Variants in POLDIP3 observed in about 807,000 individuals in gnomAD.
The protein encoded by POLDIP3 is polymerase delta-interacting protein 3.
POLDIP3 carries 14 observed loss-of-function variants against 45.1 expected under a neutral mutation model. The ratio of observed to expected loss-of-function variants is 0.31; its 90% CI spans 0.20 to 0.49. The LOEUF is 0.49. Ranked by LOEUF, POLDIP3 falls within the 20% of genes least tolerant of loss-of-function variation. The probability of loss-of-function intolerance (pLI) is 0.99; values close to 1 mark genes in which losing one functional copy is unlikely to be tolerated. For synonymous variants in POLDIP3, 223 were observed against 205.2 expected, an observed-to-expected ratio of 1.09 and a Z score of -0.74; for missense variants, 511 against 538.8, an observed-to-expected ratio of 0.95 and a Z score of 0.51.
intron 5 of POLDIP3, 28 bp downstream of exon 5, chr22:42,596,158 A>G (rs1329010544): frequency 1.9e-6 from 3 of 1,610,622 alleles, no homozygotes; most frequent in African/African-American, 1.3e-5. Context: ...CCTGACCCCA[A>G]CTGCTGCAGT....
intron 1 of POLDIP3, 91 bp from the exon 2 acceptor site, chr22:42,603,251 G>C (rs1926517077): frequency 7.3e-7 from 1 of 1,375,290 alleles, no homozygotes; most frequent in Non-Finnish European, 9.9e-7. Context: ...GGGGACAGAG[G>C]AGGCCCTGGA....
chr22:42,604,852 C>T (rs1352541576), intron 1 of POLDIP3, among the ~76,000 whole-genome samples: 2 of 152,236 alleles, frequency 1.3e-5, no homozygotes, highest in Admixed American at 1.3e-4. Flanking sequence ...CAAAATTCCT[C>T]TGTTGAAGCC....
chr22:42,587,510 G>A lies in POLDIP3; in HGVS notation c.1084C>T (p.Leu362=). 6.2e-7 allele frequency: 1 copy of A among 1,613,852 alleles called. No homozygotes were observed. Among genetic ancestry groups the A allele is most frequent in the South Asian group, 1.1e-5 (1 of 91,084 alleles). The change falls in exon 8 of 9, where the codon CTG becomes TTG. Residue 362 remains leucine, a synonymous_variant. Coordinates refer to ENST00000252115, the MANE Select transcript of POLDIP3 (RefSeq NM_032311.5). ...GNVITSDQPI[L]LRLSDSPSMK... ...CACCCCGCCTTTGGAACTCACAGCA[G>A]GATGGGCTGGTCTGAGGTGATAACA...
chr22:42,606,007 T>C (rs1034795963), intron 1 of POLDIP3, among the ~76,000 whole-genome samples: 1 of 152,128 alleles, frequency 6.6e-6, no homozygotes, highest in East Asian at 1.9e-4. Flanking sequence ...CCAGACGTGG[T>C]GGCACGCGCC....
chr22:42,598,557 G>C (rs979777915), intron 4 of POLDIP3, among the ~76,000 whole-genome samples: 4 of 151,942 alleles, frequency 2.6e-5, no homozygotes, highest in Admixed American at 2.0e-4. Context: ...GAACTTTTTT[G>C]TATTTTTTAG....
At chr22:42,603,224 G>T in intron 1 of POLDIP3, 64 bp from the exon 2 acceptor site, 1 of 1,546,080 alleles carries the variant, frequency 6.5e-7, no homozygotes, top group Non-Finnish European at 8.8e-7. Context: ...CTATGAAAGC[G>T]GAACTGTGGT....
chr22:42,613,838 TC>T (rs1298045056), intron 1 of POLDIP3, among the ~76,000 whole-genome samples: 1 of 152,178 alleles, frequency 6.6e-6, no homozygotes, highest in African/African-American at 2.4e-5. Flanking sequence ...CATATTTACA[TC>T]CTGGCTATTT....
intron 1 of POLDIP3, among the ~76,000 whole-genome samples, chr22:42,611,160 CTTT>C (rs1569307089): frequency 6.6e-6 from 1 of 152,118 alleles, no homozygotes; most frequent in South Asian, 2.1e-4. Context: ...ATGGTAATGA[CTTT>C]TTTCTTTCTT....
intron 4 of POLDIP3, chr22:42,597,554 G>C (rs1926071193): frequency 2.7e-6 from 1 of 365,682 alleles, no homozygotes; most frequent in African/African-American, 2.1e-5. Context: ...ACCTCTCCAT[G>C]CCTGTCCCTC....
chr22:42,605,469 T>C lies in POLDIP3; in HGVS notation c.60-2309A>G, dbSNP rs374703639. On this transcript the variant is annotated intron_variant, in intron 1 of 8. Coordinates refer to ENST00000252115, the MANE Select transcript of POLDIP3 (RefSeq NM_032311.5). ...TTACCCAGCTTAGGGTATTTTCTTA[T>C]AGTAGCCTAAACGGACTAAAACAGG... Among the ~76,000 whole-genome samples the C allele has an allele frequency of 7.0e-4, 107 of 152,374 alleles. No individual in the cohort carries two copies. In the South Asian group the frequency reaches 0.019, roughly 27 times the overall value.
At chr22:42,586,054 T>C in intron 8 of POLDIP3, 86 bp from the exon 9 acceptor site, 4 of 1,306,530 alleles carry the variant, frequency 3.1e-6, no homozygotes, top group Non-Finnish European at 4.2e-6. Flanking sequence ...GCATCTGTCA[T>C]GAGCTAGGCA....
At position 42,610,825 on chromosome 22, in the gene POLDIP3, A is replaced by G. The variant is rs527857103; in HGVS notation, c.59+3974T>C. The stretch of plus-strand genomic sequence containing the variant: ...GTAGGCTGAGGCAGGAAGACTGCTT[A>G]AGCCCAGGAGGCAGAGGTTGGAGTG... On this transcript the variant is annotated intron_variant, in intron 1 of 8. Transcript: ENST00000252115. 1.9e-4 allele frequency among the ~76,000 whole-genome samples: 29 copies of G among 152,246 alleles called. No homozygotes were observed. In the East Asian group the frequency reaches 4.3e-3, roughly 22 times the overall value.
At chr22:42,592,842 A>G (rs1279647872) in intron 6 of POLDIP3, among the ~76,000 whole-genome samples, 1 of 152,240 alleles carries the variant, frequency 6.6e-6, no homozygotes, top group Non-Finnish European at 1.5e-5. Context: ...CAAAATGTGA[A>G]GATGGACAGA....
At chr22:42,588,210 C>CT (rs1358681863) in intron 7 of POLDIP3, among the ~76,000 whole-genome samples, 1 of 152,168 alleles carries the variant, frequency 6.6e-6, no homozygotes, top group Admixed American at 6.5e-5. Flanking sequence ...AATCCCAGCA[C>CT]TTTGAGAGGC....
chr22:42,614,456 C>T (rs904521674), intron 1 of POLDIP3, among the ~76,000 whole-genome samples: 4 of 152,224 alleles, frequency 2.6e-5, no homozygotes, highest in African/African-American at 9.6e-5. Context: ...CGGAGCGGGG[C>T]CCAAATGCCA....
intron 6 of POLDIP3, among the ~76,000 whole-genome samples, chr22:42,592,647 C>T (rs932571866): frequency 4.6e-5 from 7 of 152,178 alleles, no homozygotes; most frequent in African/African-American, 1.2e-4. Flanking sequence ...TGCTATGAGA[C>T]GTCTAGCAAA....
intron 3 of POLDIP3, among the ~76,000 whole-genome samples, chr22:42,601,746 C>T (rs1037696883): frequency 6.6e-6 from 1 of 152,164 alleles, no homozygotes; most frequent in Non-Finnish European, 1.5e-5. Context: ...AGCGACAGAG[C>T]GAGACTCCGT....
At chr22:42,603,262 G>A in intron 1 of POLDIP3, 102 bp from the exon 2 acceptor site, 2 of 1,278,684 alleles carry the variant, frequency 1.6e-6, no homozygotes, top group South Asian at 1.4e-5. Context: ...AGGCCCTGGA[G>A]AATCAGAAAG....
At chr22:42,586,001 G>C in intron 8 of POLDIP3, 33 bp from the exon 9 acceptor site, 1 of 1,553,976 alleles carries the variant, frequency 6.4e-7, no homozygotes, top group Non-Finnish European at 8.7e-7. Context: ...AAAAATTCTT[G>C]TCAGTTTTTC....
Sources: allele counts gnomAD v4.1 joint callset (sites outside exome capture counted in the v4.1 genomes callset), GRCh38; gene constraint gnomAD v4.1.1; transcripts MANE v1.5; gene names NCBI Gene and HGNC (gene_info 2026-07-23, HGNC 2026-07-21).